NFIA: variants seen among roughly 807,000 people sequenced by gnomAD.
The protein encoded by NFIA is nuclear factor 1 A-type.
In NFIA, 8 loss-of-function variants were observed where a neutral mutation model predicts 62.8. The observed-to-expected ratio is 0.13, with a 90% CI of 0.07 to 0.23. The LOEUF (loss-of-function observed/expected upper bound fraction) is 0.23, where lower values mean the gene tolerates loss of function less well. Among genes scored for constraint, NFIA ranks in the 10% least tolerant of loss-of-function variants. The pLI, the probability that NFIA is intolerant of heterozygous loss-of-function variation, is 1.00. For synonymous variants in NFIA, 235 were observed against 238.1 expected, an observed-to-expected ratio of 0.99 and a Z score of 0.12; for missense variants, 410 against 642.1, an observed-to-expected ratio of 0.64 and a Z score of 3.91.
intron 2 of NFIA, among the ~76,000 whole-genome samples, chr1:61,258,293 G>A (rs531627057): frequency 3.3e-5 from 5 of 152,340 alleles, no homozygotes; most frequent in Admixed American, 1.3e-4. Context: ...ATTCAGTTGA[G>A]TGAGATAGGG....
intron 2 of NFIA, among the ~76,000 whole-genome samples, chr1:61,228,851 T>C (rs534052043): frequency 6.6e-6 from 1 of 152,204 alleles, no homozygotes; most frequent in Non-Finnish European, 1.5e-5. Flanking sequence ...TAATGTTTAT[T>C]ATCTCCTCAT....
At chr1:61,090,554 A>G (rs753517724) in intron 2 of NFIA, among the ~76,000 whole-genome samples, 19 of 152,138 alleles carry the variant, frequency 1.2e-4, no homozygotes, top group Non-Finnish European at 2.1e-4. Flanking sequence ...TTACTGTGCT[A>G]TTGCTCCCAA....
intron 3 of NFIA, among the ~76,000 whole-genome samples, chr1:61,278,033 CTT>C (rs1160105989): frequency 7.7e-6 from 1 of 129,242 alleles, no homozygotes; most frequent in Admixed American, 7.5e-5. Context: ...GAGCTCAACA[CTT>C]TGCCAATTCC....
chr1:61,163,283 A>G (rs186439381), intron 2 of NFIA, among the ~76,000 whole-genome samples: 115 of 152,298 alleles, frequency 7.6e-4, no homozygotes, highest in Non-Finnish European at 1.3e-3. Flanking sequence ...TTTCTTTGTG[A>G]AGCAATATAA....
rs115031562 is a variant in NFIA, at chr1:61,150,976, G to T, written c.559+62296G>T. The stretch of plus-strand genomic sequence containing the variant: ...CAGTTTTCAAAGAAGAGGGATTTGT[G>T]TAGTATGCCATGGGACTGAAGATGC... On this transcript the variant is annotated intron_variant, in intron 2 of 10. Transcript: ENST00000403491. Among the ~76,000 whole-genome samples, 1,348 of 152,240 alleles carry T rather than the reference G, an allele frequency of 8.9e-3. 21 individuals carry two copies. Among genetic ancestry groups the T allele is most frequent in the African/African-American group, 0.03 (1,259 of 41,532 alleles).
intron 3 of NFIA, among the ~76,000 whole-genome samples, chr1:61,328,961 G>T (rs71641729): frequency 1.3e-5 from 2 of 150,144 alleles, no homozygotes; most frequent in Admixed American, 1.3e-4. Context: ...GACCTCAAAC[G>T]ATCTGCCTGC....
chr1:61,334,935 T>A (rs1661521486), intron 4 of NFIA, among the ~76,000 whole-genome samples: 1 of 152,114 alleles, frequency 6.6e-6, no homozygotes, highest in Non-Finnish European at 1.5e-5. Context: ...TGAGTAGAAC[T>A]CTGGTCAGTC....
chr1:61,359,881 T>C (rs973628414), intron 6 of NFIA, among the ~76,000 whole-genome samples: 1 of 152,210 alleles, frequency 6.6e-6, no homozygotes, highest in Non-Finnish European at 1.5e-5. Flanking sequence ...TTCACCCACC[T>C]CGGCCTCCCA....
At chr1:61,399,033 G>A (rs760588822) in intron 7 of NFIA, among the ~76,000 whole-genome samples, 5 of 152,008 alleles carry the variant, frequency 3.3e-5, no homozygotes, top group African/African-American at 7.2e-5. Context: ...AAGCTTTGCC[G>A]TATTACAAAT....
intron 6 of NFIA, among the ~76,000 whole-genome samples, chr1:61,374,389 A>G (rs928700016): frequency 6.6e-6 from 1 of 152,128 alleles, no homozygotes. Flanking sequence ...TCTTGTAAGT[A>G]TATGGAGCAT....
chr1:61,302,650 T>G (rs1291891197), intron 3 of NFIA, among the ~76,000 whole-genome samples: 1 of 152,240 alleles, frequency 6.6e-6, no homozygotes, highest in East Asian at 1.9e-4. Context: ...GTGACCTATC[T>G]TGTAATCAGC....
intron 3 of NFIA, among the ~76,000 whole-genome samples, chr1:61,315,782 C>T (rs540393518): frequency 5.3e-5 from 8 of 152,198 alleles, no homozygotes; most frequent in East Asian, 1.9e-4. Flanking sequence ...GCAATAAGGA[C>T]GGGTCATTTT....
chr1:61,209,667 TACAACA>T (rs71756240), intron 2 of NFIA, among the ~76,000 whole-genome samples: 34,817 of 147,790 alleles, frequency 0.24, 4,219 homozygotes, highest in Middle Eastern at 0.35. Context: ...CTATGAAAAA[TACAACA>T]ACAACAACAA....
At chr1:61,119,266 C>G (rs1646848069) in intron 2 of NFIA, among the ~76,000 whole-genome samples, 1 of 152,160 alleles carries the variant, frequency 6.6e-6, no homozygotes, top group Non-Finnish European at 1.5e-5. Context: ...CACTAGTAAA[C>G]TCTCTCGTCT....
chr1:61,299,121 G>T (rs1418895233), intron 3 of NFIA, among the ~76,000 whole-genome samples: 1 of 152,162 alleles, frequency 6.6e-6, no homozygotes, highest in East Asian at 1.9e-4. Flanking sequence ...AAGCTAAAAA[G>T]AAGATGATCT....
rs74090343 is a variant in NFIA at position 61,234,408 on chromosome 1, G to A, written c.560-43112G>A. On this transcript the variant is annotated intron_variant, in intron 2 of 10. Coordinates refer to ENST00000403491, the MANE Select transcript of NFIA (RefSeq NM_001134673.4). ...AAAAAAAGTGGCTCCTGAGACCACA[G>A]ACCCAGCTTTGTGGTTTTGAATGCT... Among the ~76,000 whole-genome samples, 879 of 147,102 alleles carry A rather than the reference G, an allele frequency of 6.0e-3. 7 individuals are homozygous for A. Among genetic ancestry groups the A allele is most frequent in the African/African-American group, 0.021 (817 of 39,824 alleles).
chr1:61,445,177 C>T (rs1003751949), intron 10 of NFIA, among the ~76,000 whole-genome samples: 3 of 152,184 alleles, frequency 2.0e-5, no homozygotes, highest in African/African-American at 7.2e-5. Flanking sequence ...TATTACCTCT[C>T]TCCAAGAAGC....
chr1:61,333,907 G>A (rs1661442783), intron 4 of NFIA, among the ~76,000 whole-genome samples: 1 of 152,196 alleles, frequency 6.6e-6, no homozygotes, highest in African/African-American at 2.4e-5. Context: ...GGCTGAGGCA[G>A]GACAATTGCT....
At chr1:61,372,576 TAAAA>T (rs71244589) in intron 6 of NFIA, among the ~76,000 whole-genome samples, 1 of 139,826 alleles carries the variant, frequency 7.2e-6, no homozygotes, top group East Asian at 2.0e-4. Context: ...TCATTGTTGT[TAAAA>T]AAAAAAAAGC....
Sources: allele counts gnomAD v4.1 joint callset (sites outside exome capture counted in the v4.1 genomes callset), GRCh38; gene constraint gnomAD v4.1.1; transcripts MANE v1.5; gene names NCBI Gene and HGNC (gene_info 2026-07-23, HGNC 2026-07-21).